Variants in CAMKMT observed in about 807,000 individuals in gnomAD.
CAMKMT encodes calmodulin-lysine N-methyltransferase, also known as CaM KMT.
A neutral mutation model predicts 48.0 loss-of-function variants in CAMKMT; 53 were observed. The observed-to-expected ratio is 1.10, with a 90% confidence interval of 0.89 to 1.39. The LOEUF (loss-of-function observed/expected upper bound fraction) is 1.39. CAMKMT is among the 40% of genes most tolerant of loss of function. CAMKMT has a pLI of 0.00. For synonymous variants in CAMKMT, 165 were observed against 152.3 expected (o/e 1.08, Z -0.61); for missense variants, 428 against 402.7 (o/e 1.06, Z -0.54).
intron 8 of CAMKMT, among the ~76,000 whole-genome samples, chr2:44,747,653 T>C (rs1430964399): frequency 1.3e-5 from 2 of 152,244 alleles, no homozygotes; most frequent in Non-Finnish European, 2.9e-5. Flanking sequence ...CATAGGGGTC[T>C]TCCTTTCTGT....
chr2:44,413,480 C>T (rs941075363), intron 3 of CAMKMT, among the ~76,000 whole-genome samples: 7 of 151,786 alleles, frequency 4.6e-5, no homozygotes, highest in South Asian at 2.1e-4. Flanking sequence ...AGTGAAACCC[C>T]GTGTCTACTA....
intron 7 of CAMKMT, among the ~76,000 whole-genome samples, chr2:44,735,546 A>G (rs973091450): frequency 6.6e-6 from 1 of 151,922 alleles, no homozygotes; most frequent in African/African-American, 2.4e-5. Context: ...TTTAGATTTT[A>G]TAGTATGTAT....
rs1677907025 is a variant in CAMKMT, at chr2:44,362,063, G to A, written c.56G>A (p.Gly19Glu). 6.9e-7 allele frequency: 1 copy of A among 1,442,366 alleles called. No homozygotes were observed. 89.3% of individuals were successfully genotyped at this position (1,442,366 alleles called of 1,614,324 possible). A position where few individuals can be genotyped will look rare whatever the true frequency, so the allele number is the denominator to read the frequency against. The change falls in exon 1 of 11, where the codon GGG (glycine) becomes GAG (glutamate). Residue 19 changes from glycine (G) to glutamate (E), a missense_variant. Coordinates refer to ENST00000378494, the MANE Select transcript of CAMKMT (RefSeq NM_024766.5). The part of the protein sequence containing the change: ...GTGETARAAG[G>E]SPAVGCTTRG... ...GGCGAGACCGCGCGAGCAGCGGGCG[G>A]GAGTCCGGCAGTTGGCTGCACCACT...
At chr2:44,738,316 T>A (rs568438257) in intron 7 of CAMKMT, among the ~76,000 whole-genome samples, 3 of 152,240 alleles carry the variant, frequency 2.0e-5, no homozygotes, top group Non-Finnish European at 4.4e-5. Context: ...ATGTTCAGTG[T>A]CTTGAAAACT....
intron 3 of CAMKMT, among the ~76,000 whole-genome samples, chr2:44,694,444 C>G (rs1048808464): frequency 1.3e-5 from 2 of 152,048 alleles, no homozygotes; most frequent in Non-Finnish European, 2.9e-5. Context: ...TGTGGTGGTG[C>G]ACACCTGTAG....
intron 3 of CAMKMT, among the ~76,000 whole-genome samples, chr2:44,699,995 T>C (rs1485809552): frequency 6.6e-6 from 1 of 152,228 alleles, no homozygotes; most frequent in Admixed American, 6.5e-5. Context: ...TGTTGGTTAG[T>C]GTAGTCATCT....
intron 2 of CAMKMT, among the ~76,000 whole-genome samples, chr2:44,381,532 G>A (rs1162521689): frequency 6.6e-6 from 1 of 152,180 alleles, no homozygotes; most frequent in Non-Finnish European, 1.5e-5. Flanking sequence ...AATGTTCACT[G>A]CAGCAGTGTG....
intron 3 of CAMKMT, among the ~76,000 whole-genome samples, chr2:44,681,540 C>CTTTT (rs3055007): frequency 7.3e-6 from 1 of 137,510 alleles, no homozygotes; most frequent in Non-Finnish European, 1.6e-5. Context: ...CTCTTACCAG[C>CTTTT]TTTTTTTTTT....
chr2:44,725,444 C>T (rs977365140), intron 7 of CAMKMT, among the ~76,000 whole-genome samples: 25 of 152,156 alleles, frequency 1.6e-4, no homozygotes, highest in African/African-American at 5.8e-4. Context: ...GATGTCCAGA[C>T]AAGAGATGGA....
chr2:44,655,604 T>G (rs1674335719), intron 3 of CAMKMT, among the ~76,000 whole-genome samples: 1 of 152,232 alleles, frequency 6.6e-6, no homozygotes, highest in Admixed American at 6.5e-5. Flanking sequence ...TTGCATTATC[T>G]ATACGCAAAT....
intron 3 of CAMKMT, among the ~76,000 whole-genome samples, chr2:44,642,160 T>C (rs1673483913): frequency 6.6e-6 from 1 of 152,250 alleles, no homozygotes; most frequent in Non-Finnish European, 1.5e-5. Context: ...TAGTGGAAAC[T>C]ATTTGTAAAG....
chr2:44,771,393 G>C (rs1484789132), intron 10 of CAMKMT, among the ~76,000 whole-genome samples: 1 of 152,148 alleles, frequency 6.6e-6, no homozygotes, highest in East Asian at 1.9e-4. Flanking sequence ...TACTTCATAT[G>C]TGAGAAACCT....
At chr2:44,416,420 C>T (rs1010938508) in intron 3 of CAMKMT, among the ~76,000 whole-genome samples, 2 of 152,054 alleles carry the variant, frequency 1.3e-5, no homozygotes, top group African/African-American at 4.8e-5. Context: ...ATGTTTTCTT[C>T]TGTTTTTCTT....
chr2:44,674,304 A>G (rs1479095660), intron 3 of CAMKMT, among the ~76,000 whole-genome samples: 1 of 152,200 alleles, frequency 6.6e-6, no homozygotes, highest in Non-Finnish European at 1.5e-5. Context: ...GTATTTTGAT[A>G]TTATAAACTT....
chr2:44,445,502 A>G (rs541507773), intron 3 of CAMKMT, among the ~76,000 whole-genome samples: 1 of 151,904 alleles, frequency 6.6e-6, no homozygotes, highest in East Asian at 1.9e-4. Context: ...TTCTCTCTTC[A>G]CAGATAGGTA....
At chr2:44,649,480 G>A (rs529549486) in intron 3 of CAMKMT, among the ~76,000 whole-genome samples, 2 of 152,122 alleles carry the variant, frequency 1.3e-5, no homozygotes, top group Admixed American at 6.5e-5. Context: ...ACATACTGAG[G>A]TCAGTCTGAG....
intron 3 of CAMKMT, among the ~76,000 whole-genome samples, chr2:44,673,394 A>C (rs972190158): frequency 6.7e-6 from 1 of 149,440 alleles, no homozygotes; most frequent in Non-Finnish European, 1.5e-5. Flanking sequence ...ACGCCACTGC[A>C]CTCCAGCCTG....
chr2:44,754,944 C>T (rs190118585), intron 9 of CAMKMT, among the ~76,000 whole-genome samples: 15 of 151,646 alleles, frequency 9.9e-5, no homozygotes, highest in Admixed American at 2.6e-4. Flanking sequence ...AAGATAGGAA[C>T]GCATATTTAT....
chr2:44,768,968 T>A (rs754640686), intron 10 of CAMKMT, among the ~76,000 whole-genome samples: 1 of 152,184 alleles, frequency 6.6e-6, no homozygotes, highest in Non-Finnish European at 1.5e-5. Flanking sequence ...CCCGTCTTAA[T>A]CTTGTTACAC....
Sources: allele counts gnomAD v4.1 joint callset (sites outside exome capture counted in the v4.1 genomes callset), GRCh38; gene constraint gnomAD v4.1.1; transcripts MANE v1.5; gene names NCBI Gene and HGNC (gene_info 2026-07-23, HGNC 2026-07-21).